The following STAB2 variants were observed in gnomAD, a reference collection of about 807,000 sequenced individuals.
The protein encoded by STAB2 is stabilin-2.
Under a neutral mutation model 338.1 loss-of-function variants are expected in STAB2, and 288 were observed. That is an observed-to-expected ratio of 0.85 (90% CI 0.77 to 0.94). The LOEUF is 0.94. Among genes scored for constraint, STAB2 ranks in the 40% least tolerant of loss-of-function variants. The pLI is 0.00. For missense variants in STAB2, 3,141 were observed against 3,210.1 expected, an observed-to-expected ratio of 0.98 and a Z score of 0.52; for synonymous variants, 1,202 against 1,193.3, an observed-to-expected ratio of 1.01 and a Z score of -0.15.
chr12:103,677,320 A>AAT, intron 24 of STAB2, 133 bp from the exon 25 acceptor site: 1 of 1,271,842 alleles, frequency 7.9e-7, no homozygotes, highest in Non-Finnish European at 1.1e-6. Context: ...TCTCAATGTA[A>AAT]ATTAAGCATT....
rs1878324577 is a variant in STAB2, at chr12:103,695,575, C to T, written c.3401C>T (p.Thr1134Ile). The T allele has an allele frequency of 6.2e-7, 1 of 1,614,100 alleles. No homozygotes were observed. Among genetic ancestry groups the T allele is most frequent in the African/African-American group, 1.3e-5 (1 of 74,942 alleles). The change falls in exon 32 of 69, where the codon ACT becomes ATT. Residue 1134 changes from threonine to isoleucine, a missense_variant. Coordinates refer to ENST00000388887, the MANE Select transcript of STAB2 (RefSeq NM_017564.10). ...NKVLVPQRRL[T>I]GSLPNLLMRL... The stretch of plus-strand genomic sequence containing the variant: ...GTGCTGGTCCCACAAAGACGTCTAA[C>T]TGGCTCCTTACCAAACCTGCTCATG...
intron 15 of STAB2, among the ~76,000 whole-genome samples, chr12:103,657,185 T>C (rs1874254106): frequency 7.0e-6 from 1 of 143,846 alleles, no homozygotes; most frequent in Non-Finnish European, 1.5e-5. Flanking sequence ...AGAAAACTGC[T>C]AGACCTCTCT....
chr12:103,592,260 A>G (rs1374027262), intron 2 of STAB2: 1 of 143,438 alleles, frequency 7.0e-6, no homozygotes, highest in Non-Finnish European at 1.5e-5. Context: ...TGAAAAAAGA[A>G]AAGAAAAAAA....
intron 53 of STAB2, among the ~76,000 whole-genome samples, chr12:103,738,243 T>TA (rs1882312224): frequency 6.6e-6 from 1 of 152,216 alleles, no homozygotes; most frequent in South Asian, 2.1e-4. Flanking sequence ...CTCACACCTC[T>TA]ATTCACTTAC....
In STAB2 at chr12:103,617,626, G is replaced by A. The variant is rs181930386; in HGVS notation, c.332-2842G>A. 1.2e-4 allele frequency among the ~76,000 whole-genome samples: 18 copies of A among 152,314 alleles called. No individual in the cohort carries two copies. The East Asian group carries it at 2.1e-3, about 18-fold the overall frequency. On this transcript the variant is annotated intron_variant, in intron 3 of 68. Transcript: ENST00000388887. ...GCTCCTCCCATGACACAATCGCATC[G>A]CATTTCATGCCACTACTAGCCTAGT...
At position 103,708,523 on chromosome 12, in the gene STAB2, G is replaced by A; in HGVS notation, c.4275G>A (p.Val1425=). 1.2e-6 allele frequency: 2 copies of A among 1,614,012 alleles called. No individual in the cohort carries two copies. The highest frequency in any genetic ancestry group is 1.7e-6 in the Non-Finnish European group (2 of 1,179,900). ...ACTGTGATGTTGGCTGGCGAGGAGTGCATTGTGACAATGGTAAGAGTGAGG... is the reference window on the plus strand; with the variant it reads ...ACTGTGATGTTGGCTGGCGAGGAGTACATTGTGACAATGGTAAGAGTGAGG... ...SCDCDVGWRG[V]HCDNATTEDN... is the part of the protein sequence containing the mutation. The change falls in exon 39 of 69, where the codon GTG becomes GTA. Residue 1425 remains valine, a synonymous_variant. Coordinates refer to ENST00000388887, the MANE Select transcript of STAB2 (RefSeq NM_017564.10).
chr12:103,754,918 C>A (rs755429802), intron 61 of STAB2, among the ~76,000 whole-genome samples: 1 of 150,720 alleles, frequency 6.6e-6, no homozygotes, highest in African/African-American at 2.5e-5. Flanking sequence ...TGCCCTTTAG[C>A]CTGGGTGACA....
intron 3 of STAB2, among the ~76,000 whole-genome samples, chr12:103,614,063 C>T (rs866982129): frequency 2.0e-5 from 3 of 152,112 alleles, no homozygotes; most frequent in African/African-American, 7.2e-5. Context: ...ATTTCTAAAT[C>T]TTTGTCTACT....
chr12:103,682,648 G>A (rs1295297198), intron 25 of STAB2, among the ~76,000 whole-genome samples: 1 of 152,144 alleles, frequency 6.6e-6, no homozygotes, highest in African/African-American at 2.4e-5. Context: ...GGACCCTCTG[G>A]AGTAAAGAAT....
intron 51 of STAB2, among the ~76,000 whole-genome samples, chr12:103,734,004 A>AT (rs1881871143): frequency 6.6e-6 from 1 of 150,932 alleles, no homozygotes; most frequent in Non-Finnish European, 1.5e-5. Flanking sequence ...GCACGACCAT[A>AT]TAGGAGCAAG....
intron 68 of STAB2, among the ~76,000 whole-genome samples, chr12:103,765,704 C>T (rs1046929927): frequency 1.3e-5 from 2 of 152,044 alleles, no homozygotes; most frequent in Non-Finnish European, 2.9e-5. Context: ...GCATGTGCCA[C>T]CTAATTTTTG....
At chr12:103,655,090 G>T (rs1022266175) in intron 13 of STAB2, among the ~76,000 whole-genome samples, 161 bp from the exon 14 acceptor site, 1 of 152,170 alleles carries the variant, frequency 6.6e-6, no homozygotes, top group Non-Finnish European at 1.5e-5. Flanking sequence ...CTGTTTCAAC[G>T]ACAGCGAACA....
chr12:103,755,518 A>G lies in STAB2; in HGVS notation c.6880+51A>G, dbSNP rs753861582. The G allele has an allele frequency of 5.0e-6, 8 of 1,608,606 alleles. No individual in the cohort carries two copies. In the East Asian group the frequency reaches 1.1e-4, roughly 22 times the overall value. ...TTCTGGGCCACACAGCTGCTGAGCAATCCTCAGCCTGGCCAGTCACTCCCC... is the reference window on the plus strand; with the variant it reads ...TTCTGGGCCACACAGCTGCTGAGCAGTCCTCAGCCTGGCCAGTCACTCCCC... On this transcript the variant is annotated intron_variant, in intron 62 of 68. Coordinates refer to ENST00000388887, the MANE Select transcript of STAB2 (RefSeq NM_017564.10).
chr12:103,731,735 G>C, intron 50 of STAB2, 100 bp downstream of exon 50: 3 of 1,214,754 alleles, frequency 2.5e-6, no homozygotes, highest in South Asian at 1.4e-5. Context: ...ACATTGGCCA[G>C]CTGTTGTGGG....
chr12:103,701,977 TACACAC>T (rs71097990), intron 34 of STAB2, among the ~76,000 whole-genome samples: 14,635 of 143,836 alleles, frequency 0.1, 862 homozygotes, highest in South Asian at 0.19. Context: ...TCAGCCCTGC[TACACAC>T]ACACACACAC....
At chr12:103,734,918 C>T (rs1881987711) in intron 51 of STAB2, among the ~76,000 whole-genome samples, 2 of 152,162 alleles carry the variant, frequency 1.3e-5, no homozygotes, top group African/African-American at 2.4e-5. Flanking sequence ...TCTGTCTCTG[C>T]CATCACAGGA....
At chr12:103,755,052 CAGAGA>C in intron 61 of STAB2, 1 of 473,120 alleles carries the variant, frequency 2.1e-6, no homozygotes, top group Non-Finnish European at 3.8e-6. Flanking sequence ...TTCTCAAGAG[CAGAGA>C]GAAGAGAAAT....
intron 33 of STAB2, 103 bp from the exon 34 acceptor site, chr12:103,698,993 C>G (rs1878631987): frequency 2.1e-6 from 3 of 1,396,074 alleles, no homozygotes; most frequent in Non-Finnish European, 2.9e-6. Flanking sequence ...CTTGGACAAG[C>G]TGTTGTTCCT....
chr12:103,748,605 T>C (rs11111744), intron 58 of STAB2, among the ~76,000 whole-genome samples: 316 of 141,650 alleles, frequency 2.2e-3, no homozygotes, highest in Middle Eastern at 7.0e-3. Context: ...CACACACACA[T>C]ACACACACAC....
Sources: gnomAD v4.1 joint callset for allele counts (sites outside exome capture counted in the v4.1 genomes callset) on GRCh38, gnomAD v4.1.1 for gene constraint, MANE v1.5 for transcripts, NCBI Gene and HGNC (gene_info 2026-07-23, HGNC 2026-07-21) for gene names.